IMMP2L: variants seen among roughly 807,000 people sequenced by gnomAD.
The protein encoded by IMMP2L is mitochondrial inner membrane protease subunit 2.
In IMMP2L, 18 loss-of-function variants were observed where a neutral mutation model predicts 19.3. The ratio of observed to expected loss-of-function variants is 0.93; its 90% confidence interval spans 0.64 to 1.38. IMMP2L has a LOEUF of 1.38. Among genes scored for constraint, IMMP2L ranks in the 40% most tolerant of loss-of-function variants. IMMP2L has a pLI of 0.00. For missense variants in IMMP2L, 233 were observed against 218.2 expected (o/e 1.07, Z -0.43); for synonymous variants, 76 against 73.0 (o/e 1.04, Z -0.21).
chr7:110,712,194 G>T (rs1794920526), intron 5 of IMMP2L, among the ~76,000 whole-genome samples: 1 of 136,010 alleles, frequency 7.4e-6, no homozygotes, highest in Non-Finnish European at 1.6e-5. Flanking sequence ...TTTCGGTGTA[G>T]ATGTCCTTTC....
At chr7:111,369,539 T>A (rs552842205) in intron 3 of IMMP2L, among the ~76,000 whole-genome samples, 1 of 151,928 alleles carries the variant, frequency 6.6e-6, no homozygotes, top group South Asian at 2.1e-4. Flanking sequence ...CAGTAGGAAA[T>A]CATAGAATAA....
At chr7:111,303,855 G>A (rs1822536706) in intron 3 of IMMP2L, among the ~76,000 whole-genome samples, 1 of 151,906 alleles carries the variant, frequency 6.6e-6, no homozygotes, top group Non-Finnish European at 1.5e-5. Flanking sequence ...AGAAAAAAAG[G>A]TGTGATGGAA....
At position 111,194,657 on chromosome 7, in the gene IMMP2L, AT is replaced by A. The variant is rs1003676651; in HGVS notation, c.240-231093del. Among the ~76,000 whole-genome samples, 14 of 152,192 alleles carry A rather than the reference AT, an allele frequency of 9.2e-5. 1 individual carries two copies. Among genetic ancestry groups the A allele is most frequent in the African/African-American group, 3.4e-4 (14 of 41,432 alleles). On this transcript the variant is annotated intron_variant, in intron 3 of 5. Coordinates refer to ENST00000405709, the MANE Select transcript of IMMP2L (RefSeq NM_032549.4). ...CATATGTCTTCACAGTCAAATATAT[AT>A]GGAGCTGATAAAAACAATAATCAAT...
chr7:111,025,081 C>T lies in IMMP2L; in HGVS notation c.240-61516G>A, dbSNP rs900632330. On this transcript the variant is annotated intron_variant, in intron 3 of 5. Transcript: ENST00000405709. ...TTTCATTCCTTCCTTCACCTACTCC[C>T]TCCTCCCACCATACTCATCCCCCAT... Among the ~76,000 whole-genome samples, 10 of 152,128 alleles carry T rather than the reference C, an allele frequency of 6.6e-5. No individual in the cohort carries two copies. The South Asian group carries it at 8.3e-4, about 13-fold the overall frequency.
chr7:110,671,518 A>G (rs1791920311), intron 5 of IMMP2L, among the ~76,000 whole-genome samples: 1 of 152,132 alleles, frequency 6.6e-6, no homozygotes, highest in South Asian at 2.1e-4. Context: ...TTGCCCACAC[A>G]ATGCCAACGA....
intron 3 of IMMP2L, among the ~76,000 whole-genome samples, chr7:111,137,227 A>G (rs560568973): frequency 6.6e-6 from 1 of 152,326 alleles, no homozygotes; most frequent in African/African-American, 2.4e-5. Context: ...GTGGTATAAC[A>G]GAAATAAAGT....
chr7:110,999,748 C>T (rs1324805348), intron 3 of IMMP2L, among the ~76,000 whole-genome samples: 3 of 152,034 alleles, frequency 2.0e-5, no homozygotes, highest in African/African-American at 7.2e-5. Flanking sequence ...CACTGGTGGT[C>T]CATTCATAGT....
rs145004041 is a variant in IMMP2L at position 111,418,025 on chromosome 7, AATTAT to A, written c.239+69208_239+69212del. Among the ~76,000 whole-genome samples, 26 of 151,982 alleles carry A rather than the reference AATTAT, an allele frequency of 1.7e-4. 1 individual carries two copies. The East Asian group carries it at 4.8e-3, about 28-fold the overall frequency. On this transcript the variant is annotated intron_variant, in intron 3 of 5. Transcript: ENST00000405709. The stretch of plus-strand genomic sequence containing the variant: ...AATTTATCTTTCTAAATCTATAAAA[AATTAT>A]ATTATAAAGTCATTGTCATCTGAGA...
intron 3 of IMMP2L, among the ~76,000 whole-genome samples, chr7:110,994,469 CCA>C: frequency 6.6e-6 from 1 of 152,224 alleles, no homozygotes; most frequent in Admixed American, 6.5e-5. Context: ...TAAGCAGAAC[CCA>C]CACGTAGCAC....
chr7:111,106,598 G>A (rs952376853), intron 3 of IMMP2L, among the ~76,000 whole-genome samples: 1 of 150,880 alleles, frequency 6.6e-6, no homozygotes, highest in Non-Finnish European at 1.5e-5. Context: ...GACTCAAATA[G>A]GGCAAGAGTT....
intron 2 of IMMP2L, among the ~76,000 whole-genome samples, chr7:111,488,783 T>C (rs936209254): frequency 3.9e-5 from 6 of 152,072 alleles, no homozygotes; most frequent in African/African-American, 1.4e-4. Context: ...CTCGATGCTG[T>C]TTTTCATAGT....
At chr7:111,048,604 G>A (rs1309855537) in intron 3 of IMMP2L, among the ~76,000 whole-genome samples, 3 of 152,094 alleles carry the variant, frequency 2.0e-5, no homozygotes, top group African/African-American at 4.8e-5. Flanking sequence ...TACCACCATA[G>A]TCAATAAATA....
chr7:110,690,196 C>T (rs896816796), intron 5 of IMMP2L, among the ~76,000 whole-genome samples: 2 of 152,170 alleles, frequency 1.3e-5, no homozygotes, highest in African/African-American at 4.8e-5. Flanking sequence ...CTAAGAATCT[C>T]CCAAACTGTG....
chr7:111,045,324 A>G (rs1286135893), intron 3 of IMMP2L, among the ~76,000 whole-genome samples: 5 of 152,156 alleles, frequency 3.3e-5, no homozygotes, highest in Admixed American at 2.0e-4. Flanking sequence ...CCCATTCTTC[A>G]TTTCTAATGA....
At chr7:111,478,434 C>G (rs1187801021) in intron 3 of IMMP2L, among the ~76,000 whole-genome samples, 1 of 152,060 alleles carries the variant, frequency 6.6e-6, no homozygotes, top group Non-Finnish European at 1.5e-5. Flanking sequence ...CTCTGTCACC[C>G]AGGCTGGAAT....
At chr7:111,231,653 T>C (rs1185234072) in intron 3 of IMMP2L, among the ~76,000 whole-genome samples, 2 of 151,992 alleles carry the variant, frequency 1.3e-5, no homozygotes, top group Admixed American at 6.6e-5. Flanking sequence ...CTATTTTATC[T>C]ACCAAGAGCA....
intron 4 of IMMP2L, among the ~76,000 whole-genome samples, chr7:110,952,907 C>A (rs2129554368): frequency 6.6e-6 from 1 of 152,032 alleles, no homozygotes; most frequent in East Asian, 1.9e-4. Context: ...GTACATTTGT[C>A]TAGATCACAT....
chr7:111,061,063 T>C (rs2129574448), intron 3 of IMMP2L, among the ~76,000 whole-genome samples: 1 of 152,360 alleles, frequency 6.6e-6, no homozygotes, highest in African/African-American at 2.4e-5. Flanking sequence ...TTTTCATGGT[T>C]GCATTCCTAA....
At chr7:111,414,962 T>C (rs1428281679) in intron 3 of IMMP2L, among the ~76,000 whole-genome samples, 3 of 151,782 alleles carry the variant, frequency 2.0e-5, no homozygotes, top group Non-Finnish European at 4.4e-5. Context: ...GGGCTTTAAG[T>C]ATGATAGTTT....
Sources: gnomAD v4.1 joint callset for allele counts (sites outside exome capture counted in the v4.1 genomes callset) on GRCh38, gnomAD v4.1.1 for gene constraint, MANE v1.5 for transcripts, NCBI Gene and HGNC (gene_info 2026-07-23, HGNC 2026-07-21) for gene names.